ABCA5: variants seen among roughly 807,000 people sequenced by gnomAD.
The protein encoded by ABCA5 is ATP binding cassette subfamily A member 5.
In ABCA5, 163 loss-of-function variants were observed where a neutral mutation model predicts 206.0. That is an observed-to-expected ratio of 0.79 (90% confidence interval 0.70 to 0.90). The LOEUF (loss-of-function observed/expected upper bound fraction) is 0.90, where lower values mean the gene tolerates loss of function less well. ABCA5 is among the 40% of genes least tolerant of loss of function. The pLI is 0.00. For missense variants in ABCA5, 1,859 were observed against 1,912.9 expected (o/e 0.97, Z 0.53); for synonymous variants, 609 against 613.8 (o/e 0.99, Z 0.11).
intron 26 of ABCA5, 78 bp from the exon 27 acceptor site, chr17:69,260,490 T>C: frequency 1.0e-6 from 1 of 994,068 alleles, no homozygotes; most frequent in East Asian, 2.6e-5. Flanking sequence ...ATGTATTTTG[T>C]TTAGCAAACG....
chr17:69,303,261 G>A (rs1393583222), intron 7 of ABCA5, among the ~76,000 whole-genome samples: 1 of 152,050 alleles, frequency 6.6e-6, no homozygotes, highest in Non-Finnish European at 1.5e-5. Context: ...GGGATTACAG[G>A]CGTGGGGCAC....
chr17:69,322,711 T>C (rs1418524256), intron 1 of ABCA5, among the ~76,000 whole-genome samples: 9 of 151,516 alleles, frequency 5.9e-5, no homozygotes, highest in African/African-American at 2.2e-4. Context: ...AACAACTCAC[T>C]GCACAGCAGA....
chr17:69,313,321 T>A, intron 2 of ABCA5, 25 bp from the exon 3 acceptor site: 1 of 1,132,324 alleles, frequency 8.8e-7, no homozygotes, highest in Non-Finnish European at 1.2e-6. Flanking sequence ...ACAAAGTAAT[T>A]ACAAAGTATA....
chr17:69,313,116 CT>C lies in ABCA5; in HGVS notation c.282del (p.Val95CysfsTer10). ...VTNITSSIMQ[K>X]VSTDHLPDVI... ...CCATCAGGTAGATGATCAGTAGACA[CT>C]TTCTGCATGATGCTGCTTGTAATAT... is the stretch of plus-strand genomic sequence containing the variant. On this transcript the variant is annotated frameshift_variant, in exon 3 of 39. Coordinates refer to ENST00000392676, the MANE Select transcript of ABCA5 (RefSeq NM_172232.4). LOFTEE classifies it high-confidence loss of function. 1 of 1,610,328 alleles carries C rather than the reference CT, an allele frequency of 6.2e-7. No individual in the cohort carries two copies. Among genetic ancestry groups the C allele is most frequent in the Non-Finnish European group, 8.5e-7 (1 of 1,178,046 alleles).
chr17:69,267,380 T>C (rs975792064), intron 23 of ABCA5, among the ~76,000 whole-genome samples: 1 of 152,126 alleles, frequency 6.6e-6, no homozygotes, highest in African/African-American at 2.4e-5. Flanking sequence ...GATCGCTATA[T>C]GCCTGAAGGA....
rs780182861 is a variant in ABCA5 at position 69,302,855 on chromosome 17, C to T, written c.982G>A (p.Gly328Arg). Residue 328 changes from glycine to arginine, a missense_variant, in exon 8 of 39, where the codon GGA becomes AGA. Transcript: ENST00000392676. The stretch of plus-strand genomic sequence containing the variant: ...ACAGTAACAAAAAATTCAACTATTC[C>T]CACATGTTTTGATTTTTTAAAAAGA... ...TPLFKKSKHV[G>R]IVEFFVTVAF... 43 of 1,582,466 alleles carry T rather than the reference C, an allele frequency of 2.7e-5. No homozygotes were observed. Among genetic ancestry groups the T allele is most frequent in the Non-Finnish European group, 3.7e-5 (43 of 1,170,318 alleles).
chr17:69,259,881 C>A, intron 27 of ABCA5, 84 bp from the exon 28 acceptor site: 2 of 693,946 alleles, frequency 2.9e-6, no homozygotes, highest in Non-Finnish European at 4.7e-6. Flanking sequence ...AGAACTAAGA[C>A]TACATACATC....
At chr17:69,294,191 T>C (rs899407439) in intron 11 of ABCA5, among the ~76,000 whole-genome samples, 1 of 152,208 alleles carries the variant, frequency 6.6e-6, no homozygotes, top group Non-Finnish European at 1.5e-5. Context: ...GTTAGTTTTA[T>C]TTTGAATATT....
chr17:69,261,650 T>C lies in ABCA5; in HGVS notation c.3414A>G (p.Ser1138=). The change falls in exon 25 of 39, where the codon TCA becomes TCG. Residue 1138 remains serine, a synonymous_variant. Transcript: ENST00000392676. ...TGTGACTTACCACAGAATAGATAAA[T>C]GACCAAAATTCTTTGGTATTTAAAA... The part of the protein sequence containing the change: ...KKILNTKEFW[S]FIYSVAALAC... 7.2e-7 allele frequency: 1 copy of C among 1,398,404 alleles called. No homozygotes were observed. Among genetic ancestry groups the C allele is most frequent in the East Asian group, 2.5e-5 (1 of 40,414 alleles). 86.6% of individuals were successfully genotyped at this position (1,398,404 alleles called of 1,614,324 possible).
In ABCA5 at chr17:69,273,447, CTATT is replaced by C. The variant is rs144553920; in HGVS notation, c.2764+508_2764+511del. ...TTATACAAAGTATAAATTTTTTTAACTATTTATTTATTTATTTATTTATTTTGAG... is the reference window on the plus strand; with the variant it reads ...TTATACAAAGTATAAATTTTTTTAACTATTTATTTATTTATTTATTTTGAG... On this transcript the variant is annotated intron_variant, in intron 20 of 38. Coordinates refer to ENST00000392676, the MANE Select transcript of ABCA5 (RefSeq NM_172232.4). Among the ~76,000 whole-genome samples, 178 of 144,778 alleles carry C rather than the reference CTATT, an allele frequency of 1.2e-3. 1 individual carries two copies. The highest frequency in any genetic ancestry group is 4.3e-3 in the African/African-American group (169 of 39,540). 95.0% of individuals were successfully genotyped at this position (144,778 alleles called of 152,430 possible). A position where few individuals can be genotyped will look rare whatever the true frequency, so the allele number is the denominator to read the frequency against.
In ABCA5 at chr17:69,253,778, T is replaced by C. The variant is rs1229484754; in HGVS notation, c.4320+16A>G. On this transcript the variant is annotated intron_variant, in intron 33 of 38. Coordinates refer to ENST00000392676, the MANE Select transcript of ABCA5 (RefSeq NM_172232.4). The stretch of plus-strand genomic sequence containing the variant: ...CAATAAAAATACAGGCATTATTTGG[T>C]GTTTAATGAAAGTACCTTTCGTTTG... 6.2e-6 allele frequency: 10 copies of C among 1,604,160 alleles called. No individual in the cohort carries two copies. The highest frequency in any genetic ancestry group is 8.5e-6 in the Non-Finnish European group (10 of 1,171,786).
intron 24 of ABCA5, among the ~76,000 whole-genome samples, 186 bp downstream of exon 24, chr17:69,264,549 G>C (rs2075186837): frequency 6.6e-6 from 1 of 152,150 alleles, no homozygotes; most frequent in African/African-American, 2.4e-5. Flanking sequence ...ATGGTGGTAA[G>C]TTATTGTTTT....
At position 69,255,820 on chromosome 17, in the gene ABCA5, T is replaced by C. The variant is rs571314877; in HGVS notation, c.3889A>G (p.Lys1297Glu). 1.3e-6 allele frequency: 2 copies of C among 1,584,680 alleles called. No individual in the cohort carries two copies. The highest frequency in any genetic ancestry group is 1.7e-6 in the Non-Finnish European group (2 of 1,166,234). The part of the protein sequence containing the change: ...KPSIMVSNLH[K>E]EYDDKKDFLL... The stretch of plus-strand genomic sequence containing the variant: ...AAATCTTTCTTGTCATCATATTCTT[T>C]ATGCAAATTGCTGACCATAATGGAT... The change falls in exon 30 of 39, where the codon AAA becomes GAA. Residue 1297 changes from lysine to glutamate, a missense_variant. Transcript: ENST00000392676.
intron 18 of ABCA5, among the ~76,000 whole-genome samples, chr17:69,278,602 G>A (rs1489529053): frequency 6.6e-6 from 1 of 152,116 alleles, no homozygotes. Context: ...CAGATTATTA[G>A]CACAACACTT....
chr17:69,322,713 C>T (rs1460923053), intron 1 of ABCA5, among the ~76,000 whole-genome samples: 5 of 151,856 alleles, frequency 3.3e-5, no homozygotes. Flanking sequence ...CAACTCACTG[C>T]ACAGCAGAGG....
chr17:69,274,838 A>ATTTTTTTTTTTTTT, intron 19 of ABCA5, among the ~76,000 whole-genome samples: 1 of 49,692 alleles, frequency 2.0e-5, no homozygotes, highest in Non-Finnish European at 4.6e-5. Context: ...TTAACCATTT[A>ATTTTTTTTTTTTTT]CTTTTTTTTT....
chr17:69,293,833 G>GGTGTGGGTGT (rs2075553578), intron 11 of ABCA5, among the ~76,000 whole-genome samples: 1 of 123,726 alleles, frequency 8.1e-6, no homozygotes, highest in Non-Finnish European at 1.7e-5. Flanking sequence ...CAATCATACT[G>GGTGTGGGTGT]GTGTGTGTGT....
intron 3 of ABCA5, among the ~76,000 whole-genome samples, chr17:69,312,599 G>A (rs1299940029): frequency 6.6e-6 from 1 of 151,962 alleles, no homozygotes; most frequent in Non-Finnish European, 1.5e-5. Flanking sequence ...TTATAGATGG[G>A]GGTCCCATTC....
chr17:69,250,577 C>T lies in ABCA5; in HGVS notation c.4580G>A (p.Gly1527Asp), dbSNP rs1374850362. The T allele has an allele frequency of 3.1e-6, 5 of 1,599,726 alleles. No individual in the cohort carries two copies. The highest frequency in any genetic ancestry group is 4.3e-6 in the Non-Finnish European group (5 of 1,175,030). ...CTTCAATTTAATTTCCAAAAAGTAG[C>T]CTTTTCCAAATTTACTCTTTAGATG... Reference protein sequence around the residue: ...VQHLKSKFGKGYFLEIKLKDW... With the variant: ...VQHLKSKFGKDYFLEIKLKDW... Residue 1527 changes from glycine to aspartate, a missense_variant, in exon 36 of 39, where the codon GGC becomes GAC. Transcript: ENST00000392676.
Sources: allele counts gnomAD v4.1 joint callset (sites outside exome capture counted in the v4.1 genomes callset), GRCh38; gene constraint gnomAD v4.1.1; transcripts MANE v1.5; gene names NCBI Gene and HGNC (gene_info 2026-07-23, HGNC 2026-07-21).